The following RBM19 variants were observed in gnomAD, a reference collection of about 807,000 sequenced individuals.
The protein encoded by RBM19 is RNA binding motif protein 19, also known as probable RNA-binding protein 19.
Under a neutral mutation model 116.8 loss-of-function variants are expected in RBM19, and 94 were observed. The ratio of observed to expected loss-of-function variants is 0.80; its 90% CI spans 0.68 to 0.95. The LOEUF is 0.95. Ranked by LOEUF, RBM19 falls within the 40% of genes least tolerant of loss-of-function variation. The probability of loss-of-function intolerance (pLI) is 0.00; values close to 1 mark genes in which losing one functional copy is unlikely to be tolerated. For synonymous variants in RBM19, 475 were observed against 494.1 expected, an observed-to-expected ratio of 0.96 and a Z score of 0.51; for missense variants, 1,161 against 1,220.7, an observed-to-expected ratio of 0.95 and a Z score of 0.73.
At chr12:113,966,107 T>A in intron 1 of RBM19, 85 bp downstream of exon 1, 1 of 1,569,714 alleles carries the variant, frequency 6.4e-7, no homozygotes, top group Non-Finnish European at 8.8e-7. Context: ...CAAAAATTCT[T>A]CGATCACCTC....
At chr12:113,873,077 G>A (rs1593515741) in intron 21 of RBM19, among the ~76,000 whole-genome samples, 4 of 122,350 alleles carry the variant, frequency 3.3e-5, no homozygotes, top group African/African-American at 8.9e-5. Context: ...CCCCCCGCCC[G>A]GCCAGCCGCC....
At chr12:113,872,366 C>G (rs199711676) in intron 21 of RBM19, among the ~76,000 whole-genome samples, 1 of 149,172 alleles carries the variant, frequency 6.7e-6, no homozygotes, top group Admixed American at 6.7e-5. Context: ...CCTCTCTGCC[C>G]GGCAGCCACC....
At chr12:113,960,903 C>T (rs921467774) in intron 2 of RBM19, among the ~76,000 whole-genome samples, 2 of 152,242 alleles carry the variant, frequency 1.3e-5, no homozygotes, top group African/African-American at 4.8e-5. Context: ...ATACACTCCT[C>T]TGAGAGGACT....
chr12:113,820,398 C>G (rs1874336209), downstream of RBM19, among the ~76,000 whole-genome samples: 1 of 151,978 alleles, frequency 6.6e-6, no homozygotes, highest in Non-Finnish European at 1.5e-5. Flanking sequence ...GAAGGGCATC[C>G]CAGGCAGAGG....
chr12:113,825,542 C>T lies in RBM19; in HGVS notation c.2786-2221G>A, dbSNP rs1445463813. 1.3e-5 allele frequency among the ~76,000 whole-genome samples: 2 copies of T among 152,180 alleles called. No homozygotes were observed. Among genetic ancestry groups the T allele is most frequent in the Non-Finnish European group, 2.9e-5 (2 of 68,042 alleles). On this transcript the variant is annotated intron_variant, in intron 23 of 23. Coordinates refer to ENST00000261741, the MANE Select transcript of RBM19 (RefSeq NM_016196.4). The surrounding 1 kb of genome is among the most constrained non-coding windows in gnomAD (Gnocchi z 5.7). ...GGGCCCACAGGCGATCACTGACGCC[C>T]CTCCCATCTGCTAATATGAGTTGGG...
In RBM19 at chr12:113,927,131, C is replaced by T. The variant is rs147013894; in HGVS notation, c.2167G>A (p.Glu723Lys). 9.9e-5 allele frequency: 159 copies of T among 1,612,554 alleles called. No homozygotes were observed. In the African/African-American group the frequency reaches 2.0e-3, roughly 20 times the overall value. ...GTACATCCTGGGAGGCTCTCTTCTT[C>T]TTCTTCCTCTTCCTCCTCCTCCTCT... The part of the protein sequence containing the change: ...MEEEEEEEEE[E>K]EESLPGCTLF... The change falls in exon 17 of 24, where the codon GAA (glutamate) becomes AAA (lysine). Residue 723 changes from glutamate (E) to lysine (K), a missense_variant. Coordinates refer to ENST00000261741, the MANE Select transcript of RBM19 (RefSeq NM_016196.4).
chr12:113,935,007 C>G (rs1010203925), intron 16 of RBM19, among the ~76,000 whole-genome samples: 8 of 152,196 alleles, frequency 5.3e-5, no homozygotes, highest in Non-Finnish European at 8.8e-5. Flanking sequence ...AGCCCCATTC[C>G]CTGCCTTCAC....
chr12:113,848,579 G>A (rs565113108), intron 22 of RBM19, among the ~76,000 whole-genome samples: 90 of 152,250 alleles, frequency 5.9e-4, no homozygotes, highest in Non-Finnish European at 1.1e-3. Context: ...ATGCAGGCCC[G>A]GGTCTCAAGG....
At chr12:113,870,440 T>C (rs1204977387) in intron 21 of RBM19, among the ~76,000 whole-genome samples, 2 of 152,218 alleles carry the variant, frequency 1.3e-5, no homozygotes, top group African/African-American at 4.8e-5. Flanking sequence ...TGAATCCAGA[T>C]GGCCTCGGGT....
chr12:113,836,169 G>A (rs1042166487), intron 23 of RBM19, among the ~76,000 whole-genome samples: 6 of 152,152 alleles, frequency 3.9e-5, no homozygotes, highest in African/African-American at 1.2e-4. Flanking sequence ...CACCTACCAC[G>A]GGGCTGCTGC....
At chr12:113,827,665 G>A (rs1171667662) in intron 23 of RBM19, among the ~76,000 whole-genome samples, 1 of 152,110 alleles carries the variant, frequency 6.6e-6, no homozygotes, top group African/African-American at 2.4e-5. Context: ...CCTGGGATGA[G>A]GCAGGCGTGA....
intron 21 of RBM19, among the ~76,000 whole-genome samples, chr12:113,912,486 TA>T (rs763088909): frequency 6.6e-6 from 1 of 152,198 alleles, no homozygotes; most frequent in Non-Finnish European, 1.5e-5. Context: ...GGCTCTGGGT[TA>T]GGCTGACTTA....
Position 113,962,425 on chromosome 12 carries a change from G to A in RBM19, c.37-11C>T. On this transcript the variant is annotated splice_polypyrimidine_tract_variant and intron_variant, in intron 1 of 23. Coordinates refer to ENST00000261741, the MANE Select transcript of RBM19 (RefSeq NM_016196.4). Reference sequence around the variant, plus strand: ...ACGCTCCTCCTTCATCTAGGACAGAGGGAAAGGAATGAGAGACGAACTGGA... The same window carrying A: ...ACGCTCCTCCTTCATCTAGGACAGAAGGAAAGGAATGAGAGACGAACTGGA... 1.2e-6 allele frequency: 2 copies of A among 1,610,764 alleles called. No homozygotes were observed. Among genetic ancestry groups the A allele is most frequent in the South Asian group, 1.1e-5 (1 of 90,976 alleles).
chr12:113,955,056 C>G, intron 7 of RBM19, 75 bp downstream of exon 7: 1 of 1,481,542 alleles, frequency 6.7e-7, no homozygotes, highest in Non-Finnish European at 9.4e-7. Context: ...CCCCATGCAC[C>G]AAAGGCTCCT....
chr12:113,931,674 C>T lies in RBM19; in HGVS notation c.2069-4445G>A, dbSNP rs1022327244. 3.3e-5 allele frequency among the ~76,000 whole-genome samples: 5 copies of T among 152,206 alleles called. No homozygotes were observed. The South Asian group carries it at 8.3e-4, about 25-fold the overall frequency. On this transcript the variant is annotated intron_variant, in intron 16 of 23. Coordinates refer to ENST00000261741, the MANE Select transcript of RBM19 (RefSeq NM_016196.4). ...ACGCACTGGTCTCTTTTCTGATGGC[C>T]GAGCCTGCCAAGCCCCCTTCCTACC...
chr12:113,965,729 A>G (rs1027116481), intron 1 of RBM19, among the ~76,000 whole-genome samples: 6 of 152,210 alleles, frequency 3.9e-5, no homozygotes, highest in African/African-American at 1.4e-4. Context: ...CCCTTTACCC[A>G]CTCCGTATTC....
chr12:113,850,465 T>C (rs926006533), intron 22 of RBM19, among the ~76,000 whole-genome samples: 13 of 152,218 alleles, frequency 8.5e-5, no homozygotes, highest in Admixed American at 1.3e-4. Context: ...TTTTCTGAAT[T>C]CCCTTAGAAG....
intron 23 of RBM19, among the ~76,000 whole-genome samples, chr12:113,841,738 T>C (rs902537833): frequency 5.3e-5 from 8 of 152,286 alleles, no homozygotes; most frequent in Non-Finnish European, 1.0e-4. Context: ...AGTTTTTTCT[T>C]GAGTGACGTT....
At position 113,952,516 on chromosome 12, in the gene RBM19, T is replaced by C. The variant is rs200024735; in HGVS notation, c.996A>G (p.Lys332=). 6.2e-7 allele frequency: 1 copy of C among 1,613,096 alleles called. No individual in the cohort carries two copies. The change falls in exon 8 of 24, where the codon AAA becomes AAG. Residue 332 remains lysine (K), a synonymous_variant. Transcript: ENST00000261741. ...TGGAAACATCCTGGATCTTACCTGT[T>C]TTATTCCCATGAGCGTTTCTCACAA... ...IRIVRNAHGN[K]TGYIFVDFSN...
Sources: allele counts gnomAD v4.1 joint callset (sites outside exome capture counted in the v4.1 genomes callset), GRCh38; gene constraint gnomAD v4.1.1; non-coding constraint Gnocchi (gnomAD v3.1); transcripts MANE v1.5; gene names NCBI Gene and HGNC (gene_info 2026-07-23, HGNC 2026-07-21).